Variants in RASGRF2 observed in about 807,000 individuals in gnomAD.
The protein encoded by RASGRF2 is ras-specific guanine nucleotide-releasing factor 2.
RASGRF2 carries 76 observed loss-of-function variants against 151.0 expected under a neutral mutation model. The observed-to-expected ratio is 0.50, with a 90% CI of 0.42 to 0.61. The LOEUF (loss-of-function observed/expected upper bound fraction) is 0.61, where lower values mean the gene tolerates loss of function less well. Ranked by LOEUF, RASGRF2 falls within the 20% of genes least tolerant of loss-of-function variation. RASGRF2 has a pLI of 0.00. For synonymous variants in RASGRF2, 504 were observed against 566.5 expected, an observed-to-expected ratio of 0.89 and a Z score of 1.57; for missense variants, 1,148 against 1,564.6, an observed-to-expected ratio of 0.73 and a Z score of 4.49.
intron 19 of RASGRF2, among the ~76,000 whole-genome samples, chr5:81,204,539 T>C (rs1755464170): frequency 6.6e-6 from 1 of 152,202 alleles, no homozygotes; most frequent in South Asian, 2.1e-4. Context: ...ATACACTTAA[T>C]TGCCATATAT....
At chr5:81,061,733 C>T (rs558558974) in intron 2 of RASGRF2, among the ~76,000 whole-genome samples, 24 of 151,816 alleles carry the variant, frequency 1.6e-4, no homozygotes, top group Non-Finnish European at 3.1e-4. Context: ...TGTCACCCAA[C>T]CTGGAGTGCA....
Position 81,207,245 on chromosome 5 carries a change from G to T in RASGRF2, c.2968-1G>T. On this transcript the variant is annotated splice_acceptor_variant, in intron 20 of 26. Transcript: ENST00000265080. LOFTEE classifies it high-confidence loss of function. ...TCATTTCCCTCCCTCATCTCTTGCA[G>T]ACTGACTGCATGAAGGCCGAATGCT... The T allele has an allele frequency of 6.2e-7, 1 of 1,614,070 alleles. No individual in the cohort carries two copies. Among genetic ancestry groups the T allele is most frequent in the Non-Finnish European group, 8.5e-7 (1 of 1,179,960 alleles).
intron 7 of RASGRF2, among the ~76,000 whole-genome samples, chr5:81,081,400 G>C (rs933533983): frequency 3.3e-5 from 5 of 152,200 alleles, no homozygotes; most frequent in African/African-American, 1.2e-4. Flanking sequence ...CCCTTTCTGG[G>C]ACTAGAGCAA....
chr5:81,119,184 T>G (rs1230779354), intron 15 of RASGRF2, among the ~76,000 whole-genome samples: 1 of 152,236 alleles, frequency 6.6e-6, no homozygotes, highest in Non-Finnish European at 1.5e-5. Flanking sequence ...TTCCACATTT[T>G]CAGGTATTCG....
Position 81,138,196 on chromosome 5 carries a change from C to T in RASGRF2, c.2686+11033C>T, listed in dbSNP as rs1223662637. Among the ~76,000 whole-genome samples the T allele has an allele frequency of 2.4e-4, 37 of 152,112 alleles. 1 individual carries two copies. Among genetic ancestry groups the T allele is most frequent in the Admixed American group, 2.4e-3 (37 of 15,262 alleles). On this transcript the variant is annotated intron_variant, in intron 17 of 26. Transcript: ENST00000265080. ...GGGAGGAGGAGTCTTCTATATCTTCCAATGAAACCTTAGTGTTTTAATGGA... is the reference window on the plus strand; with the variant it reads ...GGGAGGAGGAGTCTTCTATATCTTCTAATGAAACCTTAGTGTTTTAATGGA...
intron 17 of RASGRF2, among the ~76,000 whole-genome samples, chr5:81,168,730 T>C (rs1383613547): frequency 1.3e-5 from 2 of 152,186 alleles, no homozygotes; most frequent in Non-Finnish European, 1.5e-5. Context: ...ACCTTCTTTT[T>C]CCCCTCAATT....
rs1371422165 is a variant in RASGRF2, at chr5:81,070,572, G to A, written c.624G>A (p.Lys208=). 1 of 1,605,176 alleles carries A rather than the reference G, an allele frequency of 6.2e-7. No individual in the cohort carries two copies. Among genetic ancestry groups the A allele is most frequent in the African/African-American group, 1.3e-5 (1 of 74,826 alleles). ...NQEDEDPDIK[K]IKKVQSFMRG... ...AAGACGAAGATCCAGACATCAAGAA[G>A]ATTAAAAAGGTAGGGCCTGGAGGTT... Residue 208 remains lysine (K), a synonymous_variant, in exon 4 of 27, where the codon AAG becomes AAA. Coordinates refer to ENST00000265080, the MANE Select transcript of RASGRF2 (RefSeq NM_006909.3).
intron 1 of RASGRF2, among the ~76,000 whole-genome samples, chr5:81,015,119 A>C (rs539018329): frequency 6.6e-6 from 1 of 152,244 alleles, no homozygotes; most frequent in East Asian, 1.9e-4. Flanking sequence ...CAGATTGCCA[A>C]CCATCTTCAC....
intron 17 of RASGRF2, among the ~76,000 whole-genome samples, 153 bp from the exon 18 acceptor site, chr5:81,180,022 G>A (rs141727464): frequency 1.7e-3 from 257 of 152,158 alleles, no homozygotes; most frequent in African/African-American, 5.8e-3. Context: ...ATAGGTGAGC[G>A]GAATTCACAA....
intron 1 of RASGRF2, among the ~76,000 whole-genome samples, chr5:80,999,945 T>C (rs1040633335): frequency 2.6e-5 from 4 of 152,102 alleles, no homozygotes; most frequent in Non-Finnish European, 5.9e-5. Flanking sequence ...ACAGATTCTG[T>C]GGGTTAGGAA....
chr5:81,086,791 G>A (rs1310320137), intron 8 of RASGRF2, 44 bp from the exon 9 acceptor site: 5 of 1,509,740 alleles, frequency 3.3e-6, no homozygotes, highest in South Asian at 1.1e-5. Flanking sequence ...GCTAGGGCAA[G>A]AGAAAATCTC....
rs1756062311 is a variant in RASGRF2 at position 81,229,261 on chromosome 5, A to T, written c.*3491A>T. 6.6e-6 allele frequency: 1 copy of T among 152,224 alleles called. No individual in the cohort carries two copies. The highest frequency in any genetic ancestry group is 1.5e-5 in the Non-Finnish European group (1 of 68,038). 9.4% of individuals were successfully genotyped at this position (152,224 alleles called of 1,614,324 possible). ...TGCAAAATGTATTATTTTTACAACT[A>T]TCGAAAAGGCATAAAAGAGAACATA... On this transcript the variant is annotated 3_prime_UTR_variant, in exon 27 of 27. Coordinates refer to ENST00000265080, the MANE Select transcript of RASGRF2 (RefSeq NM_006909.3).
chr5:81,137,525 A>G (rs1040437139), intron 17 of RASGRF2, among the ~76,000 whole-genome samples: 2 of 152,190 alleles, frequency 1.3e-5, no homozygotes, highest in African/African-American at 4.8e-5. Context: ...CACTAAATGC[A>G]TATGTGGAGG....
chr5:81,060,181 C>T (rs1346490103), intron 2 of RASGRF2, among the ~76,000 whole-genome samples: 1 of 152,198 alleles, frequency 6.6e-6, no homozygotes, highest in Non-Finnish European at 1.5e-5. Context: ...CCAATAGGCC[C>T]CACCTCCAAC....
chr5:81,103,582 T>C (rs1205351829), intron 12 of RASGRF2, among the ~76,000 whole-genome samples: 1 of 152,116 alleles, frequency 6.6e-6, no homozygotes, highest in African/African-American at 2.4e-5. Context: ...ATGAAAGATA[T>C]GAATCCTCAT....
rs1466869326 is a variant in RASGRF2 at position 81,197,435 on chromosome 5, C to T, written c.2794-3895C>T. ...TGCGCCACTGCAGTCCGCAATCCGG[C>T]CTGGGCGACAGAGCGAGACTCCGTC... On this transcript the variant is annotated intron_variant, in intron 18 of 26. Transcript: ENST00000265080. Among the ~76,000 whole-genome samples, 5 of 128,580 alleles carry T rather than the reference C, an allele frequency of 3.9e-5. No individual in the cohort carries two copies. The East Asian group carries it at 8.8e-4, about 23-fold the overall frequency. 84.4% of individuals were successfully genotyped at this position (128,580 alleles called of 152,430 possible). A position where few individuals can be genotyped will look rare whatever the true frequency, so the allele number is the denominator to read the frequency against.
At chr5:81,116,062 ATTTCTTTTTTTTTTTT>A (rs1753143669) in intron 15 of RASGRF2, among the ~76,000 whole-genome samples, 1 of 52,514 alleles carries the variant, frequency 1.9e-5, no homozygotes, top group Non-Finnish European at 4.7e-5. Context: ...GGTGAATGCC[ATTTCTTTTTTTTTTTT>A]TTTTTTTTTT....
intron 17 of RASGRF2, among the ~76,000 whole-genome samples, chr5:81,164,873 G>A (rs7708536): frequency 0.014 from 2,178 of 152,298 alleles, 59 homozygotes; most frequent in African/African-American, 0.05. Flanking sequence ...GAGGAACTTG[G>A]AGGCTCTCAA....
chr5:80,975,632 A>G (rs1343204660), intron 1 of RASGRF2, among the ~76,000 whole-genome samples: 1 of 152,166 alleles, frequency 6.6e-6, no homozygotes, highest in Non-Finnish European at 1.5e-5. Flanking sequence ...AGAAAAGAAA[A>G]ATATCATTTT....
Sources: allele counts gnomAD v4.1 joint callset (sites outside exome capture counted in the v4.1 genomes callset), GRCh38; gene constraint gnomAD v4.1.1; transcripts MANE v1.5; gene names NCBI Gene and HGNC (gene_info 2026-07-23, HGNC 2026-07-21).